Variants in SIK3 observed in about 807,000 individuals in gnomAD.
SIK3 encodes the protein serine/threonine-protein kinase SIK3.
In SIK3, 28 loss-of-function variants were observed where a neutral mutation model predicts 144.2. That is an observed-to-expected ratio of 0.19 (90% CI 0.14 to 0.27). The LOEUF (loss-of-function observed/expected upper bound fraction) is 0.27, where lower values mean the gene tolerates loss of function less well. Among genes scored for constraint, SIK3 ranks in the 10% least tolerant of loss-of-function variants. SIK3 has a pLI of 1.00. For synonymous variants in SIK3, 686 were observed against 676.3 expected (o/e 1.01, Z -0.22); for missense variants, 1,319 against 1,776.0 (o/e 0.74, Z 4.62).
chr11:116,948,346 T>C (rs1018331626), intron 3 of SIK3, among the ~76,000 whole-genome samples: 3 of 152,110 alleles, frequency 2.0e-5, no homozygotes, highest in Non-Finnish European at 4.4e-5. Flanking sequence ...GGCACAATCA[T>C]GGCTCACTGC....
chr11:116,891,594 G>C (rs1945114854), intron 6 of SIK3, among the ~76,000 whole-genome samples: 1 of 152,086 alleles, frequency 6.6e-6, no homozygotes. Flanking sequence ...CTTTACCTTA[G>C]AGGCAATGGT....
At position 116,897,466 on chromosome 11, in the gene SIK3, T is replaced by G. The variant is rs114812181; in HGVS notation, c.617-149A>C. 2,103 of 682,770 alleles carry G rather than the reference T, an allele frequency of 3.1e-3. 36 individuals are homozygous for G. In the African/African-American group the frequency reaches 0.033, roughly 11 times the overall value. 42.3% of individuals were successfully genotyped at this position (682,770 alleles called of 1,614,324 possible). A position where few individuals can be genotyped will look rare whatever the true frequency, so the allele number is the denominator to read the frequency against. ...TTTAGAAACCACATAGCCAGACACT[T>G]AAAACAATAATAGTGAAACAGAGAT... On this transcript the variant is annotated intron_variant, in intron 4 of 24. Coordinates refer to ENST00000445177, the MANE Select transcript of SIK3 (RefSeq NM_001366686.3).
intron 1 of SIK3, among the ~76,000 whole-genome samples, chr11:117,012,168 G>C (rs1951287886): frequency 6.6e-6 from 1 of 152,112 alleles, no homozygotes; most frequent in South Asian, 2.1e-4. Flanking sequence ...TAGAGGCAGG[G>C]TCTCCCTATG....
chr11:116,994,472 G>A (rs936681722), intron 1 of SIK3, among the ~76,000 whole-genome samples: 2 of 152,160 alleles, frequency 1.3e-5, no homozygotes, highest in Non-Finnish European at 2.9e-5. Context: ...CCCTTGCTGG[G>A]TATCAGCATT....
At position 116,849,219 on chromosome 11, in the gene SIK3, G is replaced by C. The variant is rs1942234656; in HGVS notation, c.3720C>G (p.His1240Gln). Residue 1240 changes from histidine to glutamine, a missense_variant, in exon 22 of 25, where the codon CAC (histidine) becomes CAG (glutamine). Physicochemically the swap from His to Gln is conservative, Grantham distance 24 (BLOSUM62 0). This residue lies in a region of SIK3 where 646 missense variants were observed against 763.7 expected (regional missense o/e 0.85). Coordinates refer to ENST00000445177, the MANE Select transcript of SIK3 (RefSeq NM_001366686.3). This position sits in a 1 kb window ranked among gnomAD's most constrained non-coding sequence, Gnocchi z 4.2. ...GGCGTGCTGGGTACCCGAGCCCATT[G>C]TGATCCGGCAGCTCCACTGCTTGTC... ...SPGQAVELPD[H>Q]NGLGYPARPS... 6.2e-7 allele frequency: 1 copy of C among 1,614,084 alleles called. No homozygotes were observed. Among genetic ancestry groups the C allele is most frequent in the Admixed American group, 1.7e-5 (1 of 60,002 alleles).
chr11:116,978,213 C>CA (rs5795058), intron 1 of SIK3, among the ~76,000 whole-genome samples: 19,204 of 141,790 alleles, frequency 0.14, 1,804 homozygotes, highest in African/African-American at 0.27. Flanking sequence ...GACTCCGTCT[C>CA]AAAAAAAAAA....
At chr11:117,037,273 G>A (rs777503485) in intron 1 of SIK3, among the ~76,000 whole-genome samples, 5 of 152,092 alleles carry the variant, frequency 3.3e-5, no homozygotes, top group Non-Finnish European at 7.4e-5. Context: ...GGATCCTCTC[G>A]CCATTTAAGA....
At chr11:116,959,625 T>C (rs941768546) in intron 1 of SIK3, among the ~76,000 whole-genome samples, 7 of 152,196 alleles carry the variant, frequency 4.6e-5, no homozygotes, top group Admixed American at 3.9e-4. Context: ...GGGAGTCATA[T>C]AGTGGGGCCT....
intron 1 of SIK3, among the ~76,000 whole-genome samples, chr11:117,078,412 A>G (rs746861468): frequency 4.4e-5 from 6 of 135,002 alleles, no homozygotes; most frequent in Non-Finnish European, 9.4e-5. Flanking sequence ...TCTGCATAAC[A>G]CCTTTTTTTT....
chr11:116,944,522 C>A (rs1433647275), intron 3 of SIK3, among the ~76,000 whole-genome samples: 1 of 152,124 alleles, frequency 6.6e-6, no homozygotes, highest in Non-Finnish European at 1.5e-5. Flanking sequence ...AACACAGAGG[C>A]TGGGCTGAGC....
chr11:116,849,095 T>C lies in SIK3; in HGVS notation c.3819+25A>G. ...GGCTGGGACTGGGAGGATCCACCTC[T>C]GTGCAGCAGGTGGGACCAACATACA... On this transcript the variant is annotated intron_variant, in intron 22 of 24. Coordinates refer to ENST00000445177, the MANE Select transcript of SIK3 (RefSeq NM_001366686.3). This position sits in a 1 kb window ranked among gnomAD's most constrained non-coding sequence, Gnocchi z 4.2. 1.9e-6 allele frequency: 3 copies of C among 1,559,336 alleles called. No individual in the cohort carries two copies. Among genetic ancestry groups the C allele is most frequent in the Non-Finnish European group, 2.6e-6 (3 of 1,148,114 alleles).
At chr11:116,946,463 T>C (rs551263118) in intron 3 of SIK3, among the ~76,000 whole-genome samples, 1 of 152,290 alleles carries the variant, frequency 6.6e-6, no homozygotes, top group East Asian at 1.9e-4. Flanking sequence ...AGATGACGCC[T>C]ACACACACAG....
intron 4 of SIK3, among the ~76,000 whole-genome samples, chr11:116,916,904 A>T (rs1482061099): frequency 6.6e-6 from 1 of 152,020 alleles, no homozygotes; most frequent in Non-Finnish European, 1.5e-5. Context: ...CAGGAGTTCA[A>T]GACCAAACTA....
intron 1 of SIK3, among the ~76,000 whole-genome samples, chr11:117,081,052 T>C (rs776465736): frequency 6.6e-6 from 1 of 152,058 alleles, no homozygotes; most frequent in African/African-American, 2.4e-5. Flanking sequence ...ATTAAAATGA[T>C]TGAGACAAGG....
intron 3 of SIK3, among the ~76,000 whole-genome samples, chr11:116,951,791 T>C (rs1357619343): frequency 1.3e-5 from 2 of 151,838 alleles, no homozygotes. Flanking sequence ...AAAATTAGCC[T>C]GGCATGGTGG....
chr11:117,085,059 T>C (rs1252261966), intron 1 of SIK3, among the ~76,000 whole-genome samples: 1 of 152,014 alleles, frequency 6.6e-6, no homozygotes, highest in African/African-American at 2.4e-5. Flanking sequence ...TAGGTTAAGA[T>C]ATTTTGATAT....
intron 1 of SIK3, among the ~76,000 whole-genome samples, chr11:116,993,196 A>G (rs1005760624): frequency 2.0e-5 from 3 of 152,166 alleles, no homozygotes; most frequent in Admixed American, 6.5e-5. Flanking sequence ...CAAAAGCTAG[A>G]TTTTTAAAAC....
At chr11:117,023,609 CA>C (rs71469123) in intron 1 of SIK3, among the ~76,000 whole-genome samples, 954 of 51,978 alleles carry the variant, frequency 0.018, 35 homozygotes, top group African/African-American at 0.053. Flanking sequence ...AACAAACAAA[CA>C]AAAAAAAAAA....
At chr11:117,064,497 C>A (rs1953926192) in intron 1 of SIK3, among the ~76,000 whole-genome samples, 2 of 152,296 alleles carry the variant, frequency 1.3e-5, no homozygotes, top group Admixed American at 1.3e-4. Flanking sequence ...AGTGGCAGTT[C>A]AGTCTTTAAC....
Sources: allele counts gnomAD v4.1 joint callset (sites outside exome capture counted in the v4.1 genomes callset), GRCh38; gene constraint gnomAD v4.1.1; regional missense constraint gnomAD v4.1.1; non-coding constraint Gnocchi (gnomAD v3.1); transcripts MANE v1.5; gene names NCBI Gene and HGNC (gene_info 2026-07-23, HGNC 2026-07-21).